Variants in KCNK9 observed in about 807,000 individuals in gnomAD.
KCNK9 encodes the protein potassium two pore domain channel subfamily K member 9.
A neutral mutation model predicts 10.8 loss-of-function variants in KCNK9; 1 was observed. The observed-to-expected ratio is 0.09, with a 90% CI of 0.03 to 0.44. The LOEUF (loss-of-function observed/expected upper bound fraction) is 0.44. KCNK9 is among the 20% of genes least tolerant of loss of function. KCNK9 has a pLI of 0.97. For missense variants in KCNK9, 303 were observed against 515.0 expected, an observed-to-expected ratio of 0.59 and a Z score of 3.98; for synonymous variants, 231 against 222.7, an observed-to-expected ratio of 1.04 and a Z score of -0.33.
At chr8:139,666,419 C>T (rs916668268) in intron 1 of KCNK9, among the ~76,000 whole-genome samples, 1 of 152,232 alleles carries the variant, frequency 6.6e-6, no homozygotes, top group Non-Finnish European at 1.5e-5. Context: ...AGGAGCCTCT[C>T]GGGTTTAAAT....
intron 2 of KCNK9, among the ~76,000 whole-genome samples, chr8:139,605,857 A>G (rs1817474949): frequency 6.6e-6 from 1 of 152,190 alleles, no homozygotes; most frequent in African/African-American, 2.4e-5. Flanking sequence ...TTTTCTTTAA[A>G]ATATTAGGTA....
intron 2 of KCNK9, chr8:139,601,646 T>C (rs1010241640): frequency 2.0e-5 from 3 of 152,152 alleles, no homozygotes; most frequent in African/African-American, 7.2e-5. Flanking sequence ...GAAAATCACA[T>C]TTGAAATGGA....
At chr8:139,660,279 G>A (rs1178559370) in intron 1 of KCNK9, among the ~76,000 whole-genome samples, 5 of 151,976 alleles carry the variant, frequency 3.3e-5, no homozygotes, top group Admixed American at 6.6e-5. Context: ...GAAGACTGGC[G>A]ACAGGCCCCT....
intron 1 of KCNK9, among the ~76,000 whole-genome samples, chr8:139,689,108 T>C (rs1322872149): frequency 1.3e-5 from 2 of 152,148 alleles, no homozygotes; most frequent in East Asian, 1.9e-4. Flanking sequence ...CCCAGGGAGA[T>C]GATCATCCAC....
At chr8:139,629,947 CTG>C (rs1815107932) in intron 1 of KCNK9, among the ~76,000 whole-genome samples, 1 of 151,962 alleles carries the variant, frequency 6.6e-6, no homozygotes, top group Admixed American at 6.6e-5. Flanking sequence ...GTCCATAACC[CTG>C]AGTGACAGAA....
rs373341546 is a variant in KCNK9, at chr8:139,617,895, CCT to C, written c.*361_*362del. On this transcript the variant is annotated 3_prime_UTR_variant, in exon 2 of 2. Transcript: ENST00000520439. ...TGATGTGCAGCTTTGGGGTGGGTAT[CCT>C]CTCAGCTCTGTCTCCGTGGTCTTGG... 379 of 319,876 alleles carry C rather than the reference CCT, an allele frequency of 1.2e-3. 1 individual carries two copies. The highest frequency in any genetic ancestry group is 7.7e-3 in the African/African-American group (356 of 46,326). The allele number at this position is 319,876 out of a possible 1,614,324, so 19.8% of individuals were successfully genotyped here.
chr8:139,636,604 A>G (rs903769058), intron 1 of KCNK9, among the ~76,000 whole-genome samples: 2 of 152,240 alleles, frequency 1.3e-5, no homozygotes, highest in Non-Finnish European at 2.9e-5. Flanking sequence ...AACTTCCAGA[A>G]GGGCAGAGCG....
chr8:139,702,575 G>T lies in KCNK9; in HGVS notation c.283+135C>A. The T allele has an allele frequency of 2.3e-6, 2 of 882,094 alleles. No homozygotes were observed. 54.6% of individuals were successfully genotyped at this position (882,094 alleles called of 1,614,324 possible). ...AGGGGGGGCTCCCTAGAGAGGAGGGGGCGCTGCGGGAAGGCCCCCAAGGGA... is the reference window on the plus strand; with the variant it reads ...AGGGGGGGCTCCCTAGAGAGGAGGGTGCGCTGCGGGAAGGCCCCCAAGGGA... On this transcript the variant is annotated intron_variant, in intron 1 of 1. Transcript: ENST00000520439. The surrounding 1 kb of genome is among the most constrained non-coding windows in gnomAD (Gnocchi z 7.5).
chr8:139,702,849 G>A lies in KCNK9; in HGVS notation c.144C>T (p.Ile48=). The A allele has an allele frequency of 3.7e-6, 6 of 1,613,992 alleles. No individual in the cohort carries two copies. Among genetic ancestry groups the A allele is most frequent in the Non-Finnish European group, 5.1e-6 (6 of 1,179,984 alleles). Residue 48 remains isoleucine, a synonymous_variant, in exon 1 of 2, where the codon ATC becomes ATT. Transcript: ENST00000520439. This position sits in a 1 kb window ranked among gnomAD's most constrained non-coding sequence, Gnocchi z 7.5. ...EEKLKAEEIR[I]KGKYNISSED... is the part of the protein sequence containing the mutation. ...CGCTGCTGATGTTGTACTTCCCCTTGATCCGGATCTCCTCGGCTTTGAGTT... is the reference window on the plus strand; with the variant it reads ...CGCTGCTGATGTTGTACTTCCCCTTAATCCGGATCTCCTCGGCTTTGAGTT...
At chr8:139,660,960 C>A (rs139806695) in intron 1 of KCNK9, among the ~76,000 whole-genome samples, 3 of 152,202 alleles carry the variant, frequency 2.0e-5, no homozygotes, top group Non-Finnish European at 4.4e-5. Context: ...CAGCTTGTGA[C>A]AGGCACCAGC....
chr8:139,627,928 G>A (rs1815029138), intron 1 of KCNK9, among the ~76,000 whole-genome samples: 1 of 152,254 alleles, frequency 6.6e-6, no homozygotes, highest in African/African-American at 2.4e-5. Flanking sequence ...CCTGGCCCCA[G>A]GACGGTGGGC....
At chr8:139,606,104 G>A (rs551045807) in intron 2 of KCNK9, among the ~76,000 whole-genome samples, 2 of 152,296 alleles carry the variant, frequency 1.3e-5, no homozygotes, top group South Asian at 4.2e-4. Context: ...CCAAAGGCCT[G>A]ACACCTTGAC....
rs1817246348 is a variant in KCNK9, at chr8:139,702,396, T to C, written c.283+314A>G. Among the ~76,000 whole-genome samples the C allele has an allele frequency of 6.6e-6, 1 of 151,198 alleles. No homozygotes were observed. Among genetic ancestry groups the C allele is most frequent in the African/African-American group, 2.4e-5 (1 of 41,086 alleles). On this transcript the variant is annotated intron_variant, in intron 1 of 1. Transcript: ENST00000520439. This position sits in a 1 kb window ranked among gnomAD's most constrained non-coding sequence, Gnocchi z 7.5. The stretch of plus-strand genomic sequence containing the variant: ...GGGTGGGTGGGTGTCTGCTATGGGA[T>C]TATTCTTAGCGCTCCACTCTCTTCG...
intron 1 of KCNK9, among the ~76,000 whole-genome samples, chr8:139,697,347 T>TTGGG (rs757732464): frequency 3.5e-5 from 5 of 143,674 alleles, no homozygotes; most frequent in African/African-American, 1.3e-4. Context: ...GAGTGGATGG[T>TTGGG]TGGATGGATG....
rs561412476 is a variant in KCNK9, at chr8:139,684,486, G to A, written c.283+18224C>T. Among the ~76,000 whole-genome samples the A allele has an allele frequency of 1.6e-4, 24 of 152,158 alleles. 1 individual carries two copies. In the South Asian group the frequency reaches 5.0e-3, roughly 32 times the overall value. On this transcript the variant is annotated intron_variant, in intron 1 of 1. Coordinates refer to ENST00000520439, the MANE Select transcript of KCNK9 (RefSeq NM_001282534.2). ...AAAACTTTCCTAGAAGAAAAAGGGT[G>A]AAAATAAGCTAAAAATATGAACATA...
At chr8:139,640,912 G>A (rs747459950) in intron 1 of KCNK9, among the ~76,000 whole-genome samples, 7 of 152,210 alleles carry the variant, frequency 4.6e-5, no homozygotes, top group Non-Finnish European at 7.3e-5. Flanking sequence ...CAGGCCCACC[G>A]GTAGCTCTCA....
intron 1 of KCNK9, among the ~76,000 whole-genome samples, chr8:139,682,248 T>C (rs1816704860): frequency 6.6e-6 from 1 of 152,198 alleles, no homozygotes; most frequent in East Asian, 1.9e-4. Flanking sequence ...CTGTCCCATT[T>C]CCATGCCTAT....
At chr8:139,663,181 A>G (rs552720167) in intron 1 of KCNK9, among the ~76,000 whole-genome samples, 1 of 152,210 alleles carries the variant, frequency 6.6e-6, no homozygotes, top group African/African-American at 2.4e-5. Context: ...TCATGCACAC[A>G]TGTGCACACG....
At chr8:139,678,794 A>C (rs1240978362) in intron 1 of KCNK9, among the ~76,000 whole-genome samples, 1 of 152,204 alleles carries the variant, frequency 6.6e-6, no homozygotes, top group African/African-American at 2.4e-5. Context: ...TCCCATTCTC[A>C]GACCAAGGTC....
Sources: gnomAD v4.1 joint callset for allele counts (sites outside exome capture counted in the v4.1 genomes callset) on GRCh38, gnomAD v4.1.1 for gene constraint, Gnocchi (gnomAD v3.1) non-coding constraint, MANE v1.5 for transcripts, NCBI Gene and HGNC (gene_info 2026-07-23, HGNC 2026-07-21) for gene names.